GTF2A1: variants seen among roughly 807,000 people sequenced by gnomAD.
The protein encoded by GTF2A1 is general transcription factor IIA subunit 1.
In GTF2A1, 12 loss-of-function variants were observed where a neutral mutation model predicts 54.1. That is an observed-to-expected ratio of 0.22 (90% CI 0.14 to 0.36). The LOEUF is 0.36. Ranked by LOEUF, GTF2A1 falls within the 10% of genes least tolerant of loss-of-function variation. The pLI, the probability that GTF2A1 is intolerant of heterozygous loss-of-function variation, is 1.00. For synonymous variants in GTF2A1, 145 were observed against 152.0 expected, an observed-to-expected ratio of 0.95 and a Z score of 0.34; for missense variants, 335 against 442.2, an observed-to-expected ratio of 0.76 and a Z score of 2.17.
At chr14:81,209,076 C>G (rs2099108) in intron 2 of GTF2A1, among the ~76,000 whole-genome samples, 97,538 of 151,914 alleles carry the variant, frequency 0.64, 31,504 homozygotes, top group Middle Eastern at 0.7. Context: ...TGAAATATGA[C>G]GACATGAGAT....
intron 2 of GTF2A1, among the ~76,000 whole-genome samples, chr14:81,213,930 C>T (rs946078173): frequency 6.6e-6 from 1 of 151,708 alleles, no homozygotes; most frequent in Non-Finnish European, 1.5e-5. Flanking sequence ...GCAACCCCCG[C>T]CTCCTGGGTT....
chr14:81,216,946 T>TTA (rs1893501401), intron 1 of GTF2A1, among the ~76,000 whole-genome samples: 1 of 152,212 alleles, frequency 6.6e-6, no homozygotes, highest in East Asian at 1.9e-4. Context: ...GGTAATAATC[T>TTA]GCAACCTAAT....
At chr14:81,219,356 C>T (rs1893557847) in intron 1 of GTF2A1, among the ~76,000 whole-genome samples, 1 of 152,234 alleles carries the variant, frequency 6.6e-6, no homozygotes, top group African/African-American at 2.4e-5. Context: ...CCGCTCTCAG[C>T]AGCTCTCACT....
In GTF2A1 at chr14:81,199,945, CTT is replaced by C. The variant is rs5810016; in HGVS notation, c.402+1647_402+1648del. 2.9e-3 allele frequency among the ~76,000 whole-genome samples: 431 copies of C among 148,518 alleles called. 3 individuals are homozygous for C. Among genetic ancestry groups the C allele is most frequent in the African/African-American group, 8.9e-3 (360 of 40,656 alleles). Reference sequence around the variant, plus strand: ...CTACAATAAGCAACATATAGTGAGACTTTTTTTTTTTTAAGGGTGGAGGTTAA... The same window carrying C: ...CTACAATAAGCAACATATAGTGAGACTTTTTTTTTTAAGGGTGGAGGTTAA... On this transcript the variant is annotated intron_variant, in intron 4 of 8. Transcript: ENST00000553612.
rs1892563488 is a variant in GTF2A1, at chr14:81,178,027, A to C, written c.*2196T>G. ...CAAATGGTTATTTCCTGCTTCAAAA[A>C]TAACAAAATAACCACTCTGAAAGCA... is the stretch of plus-strand genomic sequence containing the variant. On this transcript the variant is annotated 3_prime_UTR_variant, in exon 9 of 9. Coordinates refer to ENST00000553612, the MANE Select transcript of GTF2A1 (RefSeq NM_015859.4). 1 of 152,160 alleles carries C rather than the reference A, an allele frequency of 6.6e-6. No homozygotes were observed. The highest frequency in any genetic ancestry group is 1.5e-5 in the Non-Finnish European group (1 of 67,984). 9.4% of individuals were successfully genotyped at this position (152,160 alleles called of 1,614,324 possible).
intron 7 of GTF2A1, among the ~76,000 whole-genome samples, chr14:81,188,554 G>C (rs1892798244): frequency 6.6e-6 from 1 of 152,012 alleles, no homozygotes. Flanking sequence ...GGCAGATCAC[G>C]AGGTCAGGAG....
intron 8 of GTF2A1, among the ~76,000 whole-genome samples, chr14:81,184,726 G>GT (rs952521503): frequency 2.6e-5 from 4 of 152,158 alleles, no homozygotes; most frequent in African/African-American, 9.7e-5. Context: ...GCCTAGAATA[G>GT]TGTCTGGTAA....
At chr14:81,210,446 C>A (rs1284562991) in intron 2 of GTF2A1, among the ~76,000 whole-genome samples, 1 of 152,038 alleles carries the variant, frequency 6.6e-6, no homozygotes, top group East Asian at 1.9e-4. Flanking sequence ...GTGGGCAGAT[C>A]ACGAGGGCAG....
chr14:81,213,549 T>G (rs1278829231), intron 2 of GTF2A1, among the ~76,000 whole-genome samples: 1 of 152,120 alleles, frequency 6.6e-6, no homozygotes, highest in East Asian at 1.9e-4. Context: ...AGGACAACCA[T>G]TATAAAAGTA....
At chr14:81,211,738 T>C (rs1180254823) in intron 2 of GTF2A1, among the ~76,000 whole-genome samples, 1 of 151,848 alleles carries the variant, frequency 6.6e-6, no homozygotes, top group African/African-American at 2.4e-5. Flanking sequence ...CTGGATAAAA[T>C]ATATTACACT....
rs1304527454 is a variant in GTF2A1 at position 81,194,832 on chromosome 14, T to C, written c.612+1276A>G. ...CTTCTCAGTAGGCAATGAAAAGCTGTTAAAAGTTTTAGGATTTTTAGAAAG... is the reference window on the plus strand; with the variant it reads ...CTTCTCAGTAGGCAATGAAAAGCTGCTAAAAGTTTTAGGATTTTTAGAAAG... On this transcript the variant is annotated intron_variant, in intron 6 of 8. Transcript: ENST00000553612. Among the ~76,000 whole-genome samples, 3 of 152,212 alleles carry C rather than the reference T, an allele frequency of 2.0e-5. No individual in the cohort carries two copies. The East Asian group carries it at 5.8e-4, about 29-fold the overall frequency.
At position 81,179,205 on chromosome 14, in the gene GTF2A1, C is replaced by T. The variant is rs1892590557; in HGVS notation, c.*1018G>A. The T allele has an allele frequency of 6.6e-6, 1 of 152,094 alleles. No individual in the cohort carries two copies. The highest frequency in any genetic ancestry group is 1.5e-5 in the Non-Finnish European group (1 of 68,002). 9.4% of individuals were successfully genotyped at this position (152,094 alleles called of 1,614,324 possible). A position where few individuals can be genotyped will look rare whatever the true frequency, so the allele number is the denominator to read the frequency against. ...ATTCTTTACTAGTAAACACAAGAAA[C>T]TTTTATAATTACTAAACTGTTTAAT... is the stretch of plus-strand genomic sequence containing the variant. On this transcript the variant is annotated 3_prime_UTR_variant, in exon 9 of 9. Coordinates refer to ENST00000553612, the MANE Select transcript of GTF2A1 (RefSeq NM_015859.4).
At chr14:81,208,019 T>C (rs113702115) in intron 2 of GTF2A1, among the ~76,000 whole-genome samples, 6,334 of 152,218 alleles carry the variant, frequency 0.042, 450 homozygotes, top group African/African-American at 0.15. Context: ...AAAGCCATTT[T>C]TTGAGGAGAA....
At chr14:81,189,342 G>A (rs1027604191) in intron 7 of GTF2A1, among the ~76,000 whole-genome samples, 5 of 152,102 alleles carry the variant, frequency 3.3e-5, no homozygotes, top group African/African-American at 1.2e-4. Context: ...AACTACCATA[G>A]CAGGAAACAT....
At chr14:81,185,439 G>A in intron 8 of GTF2A1, 92 bp downstream of exon 8, 1 of 697,880 alleles carries the variant, frequency 1.4e-6, no homozygotes, top group Non-Finnish European at 2.6e-6. Context: ...GCATGAATCA[G>A]CTGCCCAAAT....
intron 1 of GTF2A1, among the ~76,000 whole-genome samples, chr14:81,218,961 T>A (rs1391037248): frequency 6.6e-6 from 1 of 151,950 alleles, no homozygotes; most frequent in Non-Finnish European, 1.5e-5. Flanking sequence ...AGGAGCTATA[T>A]TTCTAACATT....
At chr14:81,209,202 T>G (rs914822308) in intron 2 of GTF2A1, among the ~76,000 whole-genome samples, 3 of 152,214 alleles carry the variant, frequency 2.0e-5, no homozygotes, top group African/African-American at 7.2e-5. Flanking sequence ...AGGAGGTAAC[T>G]GAATCATAGG....
intron 2 of GTF2A1, among the ~76,000 whole-genome samples, chr14:81,215,507 C>T (rs1280333764): frequency 6.6e-6 from 1 of 152,128 alleles, no homozygotes; most frequent in African/African-American, 2.4e-5. Context: ...AAAAATATTC[C>T]ACAATTTCAT....
chr14:81,220,279 C>G (rs1327532899), intron 1 of GTF2A1, among the ~76,000 whole-genome samples: 2 of 145,372 alleles, frequency 1.4e-5, no homozygotes, highest in African/African-American at 4.9e-5. Context: ...CGCCCCCGCC[C>G]TCCCCGCGCC....
Sources: gnomAD v4.1 joint callset for allele counts (sites outside exome capture counted in the v4.1 genomes callset) on GRCh38, gnomAD v4.1.1 for gene constraint, MANE v1.5 for transcripts, NCBI Gene and HGNC (gene_info 2026-07-23, HGNC 2026-07-21) for gene names.